NDST3: variants seen among roughly 807,000 people sequenced by gnomAD.
NDST3 encodes the protein N-deacetylase and N-sulfotransferase 3, also known as bifunctional heparan sulfate N-deacetylase/N-sulfotransferase 3.
A neutral mutation model predicts 96.1 loss-of-function variants in NDST3; 58 were observed. That is an observed-to-expected ratio of 0.60 (90% CI 0.49 to 0.75). The LOEUF is 0.75. Ranked by LOEUF, NDST3 falls within the 30% of genes least tolerant of loss-of-function variation. NDST3 has a pLI of 0.00. For synonymous variants in NDST3, 333 were observed against 359.7 expected (o/e 0.93, Z 0.84); for missense variants, 788 against 1,034.2 (o/e 0.76, Z 3.27).
At chr4:118,128,192 A>G (rs1468645478) in intron 4 of NDST3, among the ~76,000 whole-genome samples, 2 of 151,830 alleles carry the variant, frequency 1.3e-5, no homozygotes. Context: ...CTCTTTTCTG[A>G]TTGCTCTAGC....
intron 6 of NDST3, among the ~76,000 whole-genome samples, chr4:118,218,340 C>T (rs892946521): frequency 1.3e-5 from 2 of 152,052 alleles, no homozygotes; most frequent in Non-Finnish European, 2.9e-5. Flanking sequence ...AAAGCTTATC[C>T]ACCACAATCA....
At chr4:118,161,049 G>A (rs955315440) in intron 6 of NDST3, among the ~76,000 whole-genome samples, 1 of 152,090 alleles carries the variant, frequency 6.6e-6, no homozygotes, top group Non-Finnish European at 1.5e-5. Context: ...TGGGTTTTTG[G>A]TGTGGATGTC....
chr4:118,180,583 G>A (rs1037142843), intron 6 of NDST3, among the ~76,000 whole-genome samples: 6 of 152,080 alleles, frequency 3.9e-5, no homozygotes, highest in Non-Finnish European at 8.8e-5. Context: ...AGACAAATTT[G>A]GTTAGATAGG....
chr4:118,155,371 T>C (rs1176858937), intron 6 of NDST3, among the ~76,000 whole-genome samples: 1 of 152,168 alleles, frequency 6.6e-6, no homozygotes, highest in Admixed American at 6.5e-5. Context: ...TCTTCCTACA[T>C]CCCAAAAATG....
chr4:118,072,765 T>C (rs1167005979), intron 2 of NDST3, among the ~76,000 whole-genome samples: 1 of 152,138 alleles, frequency 6.6e-6, no homozygotes, highest in African/African-American at 2.4e-5. Context: ...AGAGAATATG[T>C]TGAATAGGAG....
intron 6 of NDST3, among the ~76,000 whole-genome samples, chr4:118,190,244 C>G (rs1346250110): frequency 6.6e-6 from 1 of 151,470 alleles, no homozygotes; most frequent in Non-Finnish European, 1.5e-5. Flanking sequence ...AAATAAAAAC[C>G]ATTTTATAAT....
At chr4:118,225,825 T>C (rs899011309) in intron 7 of NDST3, among the ~76,000 whole-genome samples, 10 of 152,170 alleles carry the variant, frequency 6.6e-5, no homozygotes, top group African/African-American at 1.7e-4. Context: ...TGTGGACTTA[T>C]GACTGCATAT....
chr4:118,194,021 T>C (rs1169645972), intron 6 of NDST3: 10 of 1,316,392 alleles, frequency 7.6e-6, no homozygotes, highest in Non-Finnish European at 1.1e-5. Context: ...CTCCTTGGTC[T>C]TTTCAAAACT....
intron 3 of NDST3, among the ~76,000 whole-genome samples, chr4:118,111,894 T>C (rs948331847): frequency 6.6e-6 from 1 of 150,778 alleles, no homozygotes; most frequent in African/African-American, 2.4e-5. Flanking sequence ...GCCAGGATGG[T>C]CTTGATCTCC....
chr4:118,100,473 G>A lies in NDST3; in HGVS notation c.982-4545G>A, dbSNP rs564473315. Among the ~76,000 whole-genome samples, 7 of 151,848 alleles carry A rather than the reference G, an allele frequency of 4.6e-5. No homozygotes were observed. The East Asian group carries it at 7.7e-4, about 17-fold the overall frequency. The stretch of plus-strand genomic sequence containing the variant: ...TCTATATCCATATCTATTTCCTATC[G>A]TCCTGTCTCTGGAAAATCCTAAATA... On this transcript the variant is annotated intron_variant, in intron 2 of 13. Coordinates refer to ENST00000296499, the MANE Select transcript of NDST3 (RefSeq NM_004784.3).
chr4:118,239,475 A>C (rs1223416956), intron 10 of NDST3, among the ~76,000 whole-genome samples: 1 of 152,210 alleles, frequency 6.6e-6, no homozygotes, highest in African/African-American at 2.4e-5. Context: ...CTTTTAAATC[A>C]AAACATACAG....
intron 2 of NDST3, 129 bp from the exon 3 acceptor site, chr4:118,104,888 AT>A: frequency 1.6e-6 from 1 of 622,544 alleles, no homozygotes; most frequent in Non-Finnish European, 2.8e-6. Context: ...TAAAGAAACT[AT>A]TTTCCACCAT....
At chr4:118,077,008 G>T (rs1727602364) in intron 2 of NDST3, among the ~76,000 whole-genome samples, 1 of 152,182 alleles carries the variant, frequency 6.6e-6, no homozygotes, top group Non-Finnish European at 1.5e-5. Flanking sequence ...GTGGTATAAG[G>T]TTGGTTCAAT....
intron 5 of NDST3, among the ~76,000 whole-genome samples, chr4:118,139,275 A>C (rs1402620189): frequency 6.6e-6 from 1 of 152,206 alleles, no homozygotes; most frequent in African/African-American, 2.4e-5. Context: ...GGAGTTTAGA[A>C]GACCTGGGAT....
chr4:118,148,768 T>A (rs1372089259), intron 6 of NDST3, among the ~76,000 whole-genome samples: 1 of 152,222 alleles, frequency 6.6e-6, no homozygotes, highest in African/African-American at 2.4e-5. Flanking sequence ...ATTGACCTAA[T>A]GGGAAGTTTT....
At chr4:118,104,967 C>T (rs1398166607) in intron 2 of NDST3, 51 bp from the exon 3 acceptor site, 9 of 1,506,172 alleles carry the variant, frequency 6.0e-6, no homozygotes, top group Admixed American at 1.7e-5. Context: ...CTTTTGGAAA[C>T]TTTTTAATGC....
At chr4:118,081,762 A>AT (rs1167202949) in intron 2 of NDST3, among the ~76,000 whole-genome samples, 4 of 152,160 alleles carry the variant, frequency 2.6e-5, no homozygotes, top group Non-Finnish European at 1.5e-5. Context: ...TTAGCTGTGA[A>AT]TTATACCTGC....
chr4:118,076,723 G>A (rs1159425850), intron 2 of NDST3, among the ~76,000 whole-genome samples: 1 of 152,014 alleles, frequency 6.6e-6, no homozygotes, highest in African/African-American at 2.4e-5. Flanking sequence ...AGAGTTTTTG[G>A]ATTCAGTTTC....
chr4:118,229,439 T>C (rs996264527), intron 8 of NDST3, among the ~76,000 whole-genome samples: 3 of 152,350 alleles, frequency 2.0e-5, no homozygotes, highest in African/African-American at 7.2e-5. Context: ...TCTATGATTA[T>C]GTAGTTGAGT....
Sources: gnomAD v4.1 joint callset for allele counts (sites outside exome capture counted in the v4.1 genomes callset) on GRCh38, gnomAD v4.1.1 for gene constraint, MANE v1.5 for transcripts, NCBI Gene and HGNC (gene_info 2026-07-23, HGNC 2026-07-21) for gene names.